Variants in FOCAD observed in about 807,000 individuals in gnomAD.
FOCAD encodes the protein KIAA1797.
In FOCAD, 198 loss-of-function variants were observed where a neutral mutation model predicts 225.6. The ratio of observed to expected loss-of-function variants is 0.88; its 90% CI spans 0.78 to 0.99. The LOEUF is 0.99. Ranked by LOEUF, FOCAD falls within the 50% of genes least tolerant of loss-of-function variation. FOCAD has a pLI of 0.00. For synonymous variants in FOCAD, 897 were observed against 755.0 expected (o/e 1.19, Z -3.08); for missense variants, 2,713 against 2,123.6 (o/e 1.28, Z -5.46).
At chr9:20,794,606 C>T (rs1013046413) in intron 11 of FOCAD, among the ~76,000 whole-genome samples, 1 of 152,098 alleles carries the variant, frequency 6.6e-6, no homozygotes, top group South Asian at 2.1e-4. Context: ...GAAAGCTAAG[C>T]AGCACAAATG....
intron 6 of FOCAD, among the ~76,000 whole-genome samples, chr9:20,764,202 G>A (rs1201291791): frequency 2.0e-5 from 3 of 152,132 alleles, no homozygotes; most frequent in African/African-American, 7.2e-5. Context: ...ATTCATGTTT[G>A]TGTCATACTC....
chr9:20,690,850 T>C (rs920574994), intron 1 of FOCAD, among the ~76,000 whole-genome samples: 14 of 151,852 alleles, frequency 9.2e-5, no homozygotes, highest in Admixed American at 7.9e-4. Flanking sequence ...GGCCCTTTCA[T>C]TTTCCTAAAT....
chr9:20,952,620 A>G (rs1837786288), intron 34 of FOCAD: 1 of 272,336 alleles, frequency 3.7e-6, no homozygotes, highest in Non-Finnish European at 6.9e-6. Flanking sequence ...TCAGCGTTGA[A>G]GCTCGGCAGA....
intron 15 of FOCAD, among the ~76,000 whole-genome samples, chr9:20,824,807 T>C (rs1361370325): frequency 1.3e-5 from 2 of 152,148 alleles, no homozygotes; most frequent in Non-Finnish European, 2.9e-5. Context: ...AAGTTCATTT[T>C]ATTAGAAAAA....
chr9:20,820,963 A>G lies in FOCAD; in HGVS notation c.1685A>G (p.Gln562Arg). Residue 562 changes from glutamine (Q) to arginine (R), a missense_variant, in exon 14 of 44, where the codon CAG becomes CGG. Physicochemically the swap from Gln to Arg is conservative, Grantham distance 43. Coordinates refer to ENST00000338382, the MANE Select transcript of FOCAD (RefSeq NM_001375567.1). ...EKQDRVYPELQRFMAVSDVPS... is the reference protein window; with the variant it reads ...EKQDRVYPELRRFMAVSDVPS... ...TAGGACCGAGTCTATCCTGAACTGCAGCGTTTCATGGCTGTGTCTGATGTA... is the reference window on the plus strand; with the variant it reads ...TAGGACCGAGTCTATCCTGAACTGCGGCGTTTCATGGCTGTGTCTGATGTA... 1 of 1,612,626 alleles carries G rather than the reference A, an allele frequency of 6.2e-7. No individual in the cohort carries two copies. The highest frequency in any genetic ancestry group is 8.5e-7 in the Non-Finnish European group (1 of 1,179,042).
At chr9:20,919,839 G>C (rs1279632258) in intron 24 of FOCAD, among the ~76,000 whole-genome samples, 1 of 151,968 alleles carries the variant, frequency 6.6e-6, no homozygotes, top group Non-Finnish European at 1.5e-5. Flanking sequence ...TTACATGTTA[G>C]ACCTAAAACC....
At chr9:20,839,240 T>G (rs1826274827) in intron 15 of FOCAD, among the ~76,000 whole-genome samples, 1 of 151,242 alleles carries the variant, frequency 6.6e-6, no homozygotes, top group African/African-American at 2.4e-5. Flanking sequence ...AACCTTGGCT[T>G]TATGGAATTT....
intron 3 of FOCAD, among the ~76,000 whole-genome samples, chr9:20,719,858 C>G (rs1039361551): frequency 3.9e-5 from 5 of 129,582 alleles, no homozygotes; most frequent in African/African-American, 1.5e-4. Context: ...CTCTTTATAT[C>G]TGGGCCCACG....
intron 42 of FOCAD, among the ~76,000 whole-genome samples, chr9:20,991,542 G>C (rs1009724241): frequency 4.6e-5 from 7 of 152,188 alleles, no homozygotes; most frequent in Admixed American, 4.6e-4. Context: ...GCTGGGCACA[G>C]TGGCTCACAC....
At chr9:20,674,451 C>T (rs1176087175) in intron 2 of FOCAD, among the ~76,000 whole-genome samples, 2 of 152,190 alleles carry the variant, frequency 1.3e-5, no homozygotes, top group Non-Finnish European at 2.9e-5. Flanking sequence ...AATTAAACAT[C>T]TGTCAGCGCA....
chr9:20,720,242 A>G (rs965838073), intron 3 of FOCAD, 138 bp from the exon 4 acceptor site: 2 of 820,416 alleles, frequency 2.4e-6, no homozygotes, highest in Admixed American at 2.6e-5. Context: ...TTCTAGGAAC[A>G]GAGTGACAAC....
At chr9:20,712,147 C>A (rs1215893629) in intron 1 of FOCAD, among the ~76,000 whole-genome samples, 1 of 152,102 alleles carries the variant, frequency 6.6e-6, no homozygotes, top group Non-Finnish European at 1.5e-5. Context: ...TTCCTGTATT[C>A]GACTTTCTAC....
rs1175930009 is a variant in FOCAD, at chr9:20,668,185, C to T, written c.-78+9359C>T. Among the ~76,000 whole-genome samples, 3 of 152,070 alleles carry T rather than the reference C, an allele frequency of 2.0e-5. No homozygotes were observed. The East Asian group carries it at 5.8e-4, about 29-fold the overall frequency. ...TGTGAAATTGTAATGACAAATTTCCCTTTGTTTTCCTCTATTTGAGAGTTC... is the reference window on the plus strand; with the variant it reads ...TGTGAAATTGTAATGACAAATTTCCTTTTGTTTTCCTCTATTTGAGAGTTC... On this transcript the variant is annotated intron_variant, in intron 2 of 45. Coordinates refer to the FOCAD transcript ENST00000380249.
At chr9:20,710,724 A>G (rs573216427) in intron 1 of FOCAD, among the ~76,000 whole-genome samples, 3 of 152,302 alleles carry the variant, frequency 2.0e-5, no homozygotes, top group East Asian at 1.9e-4. Flanking sequence ...TAAGGTCACA[A>G]AAATGTTTGT....
intron 11 of FOCAD, among the ~76,000 whole-genome samples, chr9:20,801,116 C>G (rs1467236977): frequency 6.6e-6 from 1 of 152,104 alleles, no homozygotes; most frequent in Non-Finnish European, 1.5e-5. Flanking sequence ...AGGTCCACTC[C>G]AGACCCTGTT....
intron 10 of FOCAD, among the ~76,000 whole-genome samples, chr9:20,785,328 A>G (rs1819803764): frequency 1.3e-5 from 2 of 152,140 alleles, no homozygotes; most frequent in Admixed American, 1.3e-4. Context: ...CATTACCACA[A>G]TCCACTTTAG....
At chr9:20,831,185 G>A (rs928091817) in intron 15 of FOCAD, among the ~76,000 whole-genome samples, 4 of 152,020 alleles carry the variant, frequency 2.6e-5, no homozygotes, top group Admixed American at 6.6e-5. Context: ...TCATAATCTC[G>A]TAAAGGTTAT....
At chr9:20,731,767 G>A (rs1335196795) in intron 4 of FOCAD, among the ~76,000 whole-genome samples, 5 of 151,906 alleles carry the variant, frequency 3.3e-5, no homozygotes, top group African/African-American at 9.7e-5. Context: ...ACAGACATGT[G>A]CCACCACCCC....
At chr9:20,845,516 C>G (rs1228119965) in intron 15 of FOCAD, among the ~76,000 whole-genome samples, 2 of 145,056 alleles carry the variant, frequency 1.4e-5, no homozygotes, top group South Asian at 2.2e-4. Flanking sequence ...TTTACTAGTC[C>G]TTTATTGATG....
Sources: gnomAD v4.1 joint callset for allele counts (sites outside exome capture counted in the v4.1 genomes callset) on GRCh38, gnomAD v4.1.1 for gene constraint, MANE v1.5 for transcripts, NCBI Gene and HGNC (gene_info 2026-07-23, HGNC 2026-07-21) for gene names.